NF1: variants seen among roughly 807,000 people sequenced by gnomAD.
NF1 encodes neurofibromin 1.
NF1 carries 122 observed loss-of-function variants against 325.7 expected under a neutral mutation model. The observed-to-expected ratio is 0.37, with a 90% CI of 0.32 to 0.44. The LOEUF (loss-of-function observed/expected upper bound fraction) is 0.44. NF1 is among the 20% of genes least tolerant of loss of function. NF1 has a pLI of 1.00. For synonymous variants in NF1, 1,091 were observed against 1,186.0 expected (o/e 0.92, Z 1.65); for missense variants, 2,140 against 3,415.4 (o/e 0.63, Z 9.31).
intron 15 of NF1, chr17:31,222,407 T>A (rs939708439): frequency 9.7e-7 from 1 of 1,033,858 alleles, no homozygotes; most frequent in Admixed American, 5.7e-5. Context: ...GTGGTCTGCT[T>A]CCTAGATTAT....
chr17:31,214,148 A>G (rs2066778088), intron 12 of NF1, among the ~76,000 whole-genome samples: 1 of 152,122 alleles, frequency 6.6e-6, no homozygotes, highest in East Asian at 1.9e-4. Context: ...ATTTTAGAAA[A>G]TAGTTTTTTA....
At chr17:31,308,635 C>T (rs920516354) in intron 36 of NF1, among the ~76,000 whole-genome samples, 133 of 150,672 alleles carry the variant, frequency 8.8e-4, no homozygotes, top group Middle Eastern at 3.4e-3. Flanking sequence ...CAAGGGTGTT[C>T]TTTTTTTTTT....
At position 31,261,758 on chromosome 17, in the gene NF1, T is replaced by G; in HGVS notation, c.4625T>G (p.Leu1542Arg). 6.2e-7 allele frequency: 1 copy of G among 1,612,358 alleles called. No homozygotes were observed. Among genetic ancestry groups the G allele is most frequent in the East Asian group, 2.2e-5 (1 of 44,874 alleles). The change falls in exon 35 of 58, where the codon CTT (leucine) becomes CGT (arginine). Residue 1542 changes from leucine to arginine, a missense_variant. Coordinates refer to ENST00000358273, the MANE Select transcript of NF1 (RefSeq NM_001042492.3). Reference sequence around the variant, plus strand: ...CGACCTTTTGATAAGATGGCAACACTTCTTGCATACCTGGGTCCTCCAGAG... The same window carrying G: ...CGACCTTTTGATAAGATGGCAACACGTCTTGCATACCTGGGTCCTCCAGAG... ...GRRPFDKMAT[L>R]LAYLGPPEHK...
At position 31,327,752 on chromosome 17, in the gene NF1, A is replaced by G; in HGVS notation, c.5522A>G (p.Gln1841Arg). ...CTGTCACAGCCCGACTCTATCCCCC[A>G]ACACACCAAGATTCGGCCAAAAGAT... ...WELSQPDSIPQHTKIRPKDVP... is the reference protein window; with the variant it reads ...WELSQPDSIPRHTKIRPKDVP... Residue 1841 changes from glutamine to arginine, a missense_variant, in exon 38 of 58, where the codon CAA (glutamine) becomes CGA (arginine). Physicochemically the swap from Gln to Arg is conservative, Grantham distance 43. This residue lies in a region of NF1 where 147 missense variants were observed against 186.7 expected (regional missense o/e 0.79). Transcript: ENST00000358273. 1.2e-6 allele frequency: 2 copies of G among 1,614,024 alleles called. No homozygotes were observed. Among genetic ancestry groups the G allele is most frequent in the Non-Finnish European group, 1.7e-6 (2 of 1,179,946 alleles).
chr17:31,321,557 G>A (rs1469163856), intron 36 of NF1: 1 of 152,104 alleles, frequency 6.6e-6, no homozygotes, highest in Non-Finnish European at 1.5e-5. Flanking sequence ...TTCTTTTCTT[G>A]TCTTCTTTTT....
intron 8 of NF1, among the ~76,000 whole-genome samples, chr17:31,198,534 G>A (rs1209300888): frequency 6.6e-6 from 1 of 151,810 alleles, no homozygotes; most frequent in African/African-American, 2.4e-5. Context: ...TATCCAAATT[G>A]TTGGCATACA....
chr17:31,274,490 A>G (rs749345475), intron 36 of NF1, among the ~76,000 whole-genome samples: 1 of 152,166 alleles, frequency 6.6e-6, no homozygotes, highest in Non-Finnish European at 1.5e-5. Context: ...TTTCCCCTGA[A>G]TGAATAAACC....
intron 25 of NF1, 26 bp downstream of exon 25, chr17:31,232,215 A>G: frequency 7.1e-7 from 1 of 1,403,636 alleles, no homozygotes; most frequent in Non-Finnish European, 1.0e-6. Flanking sequence ...CAAAAAACAT[A>G]AAGCAAAAAG....
chr17:31,150,838 C>T (rs1916884415), intron 1 of NF1, among the ~76,000 whole-genome samples: 1 of 152,034 alleles, frequency 6.6e-6, no homozygotes, highest in Non-Finnish European at 1.5e-5. Flanking sequence ...TCAAGACCAG[C>T]CTGACCAACA....
intron 36 of NF1, 91 bp from the exon 37 acceptor site, chr17:31,325,729 A>G: frequency 1.0e-6 from 1 of 982,598 alleles, no homozygotes; most frequent in Non-Finnish European, 1.6e-6. Flanking sequence ...CTCTCTAGAA[A>G]ATGAATCATA....
chr17:31,108,555 C>T (rs1392089983), intron 1 of NF1, among the ~76,000 whole-genome samples: 2 of 152,056 alleles, frequency 1.3e-5, no homozygotes, highest in Admixed American at 6.6e-5. Flanking sequence ...GGATTACAGG[C>T]GTGAGCCACT....
intron 57 of NF1, among the ~76,000 whole-genome samples, chr17:31,363,734 C>CCT (rs1567629854): frequency 2.1e-5 from 3 of 143,222 alleles, no homozygotes; most frequent in Non-Finnish European, 4.6e-5. Flanking sequence ...CTGCGCCCAG[C>CCT]ATTTTTTTTT....
intron 36 of NF1, among the ~76,000 whole-genome samples, chr17:31,268,036 T>C (rs1200126723): frequency 1.3e-5 from 2 of 152,194 alleles, no homozygotes; most frequent in East Asian, 1.9e-4. Context: ...TACCCAGATA[T>C]AGAGAACTAG....
chr17:31,212,261 G>A (rs2066741394), intron 12 of NF1, among the ~76,000 whole-genome samples: 1 of 152,170 alleles, frequency 6.6e-6, no homozygotes, highest in Non-Finnish European at 1.5e-5. Context: ...CTCCACATCT[G>A]CTCCCATTGG....
chr17:31,122,476 T>G (rs1914521178), intron 1 of NF1, among the ~76,000 whole-genome samples: 2 of 152,214 alleles, frequency 1.3e-5, no homozygotes, highest in Admixed American at 1.3e-4. Flanking sequence ...GAGACCCTTC[T>G]TCCCACCCCC....
intron 27 of NF1, among the ~76,000 whole-genome samples, chr17:31,234,766 G>A (rs1044194426): frequency 6.7e-6 from 1 of 148,974 alleles, no homozygotes; most frequent in African/African-American, 2.5e-5. Flanking sequence ...GGAATTTTCT[G>A]TTAGGCCAGA....
intron 36 of NF1, among the ~76,000 whole-genome samples, chr17:31,274,458 T>C (rs189552449): frequency 6.6e-6 from 1 of 152,306 alleles, no homozygotes; most frequent in East Asian, 1.9e-4. Context: ...CTCACTTGTT[T>C]TACTGTGCTG....
At chr17:31,095,788 C>T (rs1911641484) in intron 1 of NF1, among the ~76,000 whole-genome samples, 1 of 152,104 alleles carries the variant, frequency 6.6e-6, no homozygotes, top group South Asian at 2.1e-4. Flanking sequence ...CTCTTCCCTC[C>T]GTGACCCTCC....
At chr17:31,248,960 G>A (rs994807559) in intron 29 of NF1, 24 bp from the exon 30 acceptor site, 2 of 1,612,388 alleles carry the variant, frequency 1.2e-6, no homozygotes, top group East Asian at 4.5e-5. Flanking sequence ...AAAGTGTTAG[G>A]ATTTTATTTT....
Sources: allele counts gnomAD v4.1 joint callset (sites outside exome capture counted in the v4.1 genomes callset), GRCh38; gene constraint gnomAD v4.1.1; regional missense constraint gnomAD v4.1.1; transcripts MANE v1.5; gene names NCBI Gene and HGNC (gene_info 2026-07-23, HGNC 2026-07-21).